The following NOL4 variants were observed in gnomAD, a reference collection of about 807,000 sequenced individuals.
The protein encoded by NOL4 is nucleolar protein 4.
A neutral mutation model predicts 75.9 loss-of-function variants in NOL4; 17 were observed. That is an observed-to-expected ratio of 0.22 (90% CI 0.15 to 0.34). The LOEUF is 0.34. Ranked by LOEUF, NOL4 falls within the 10% of genes least tolerant of loss-of-function variation. The probability of loss-of-function intolerance (pLI) is 1.00; values close to 1 mark genes in which losing one functional copy is unlikely to be tolerated. For synonymous variants in NOL4, 292 were observed against 289.9 expected, an observed-to-expected ratio of 1.01 and a Z score of -0.07; for missense variants, 614 against 793.5, an observed-to-expected ratio of 0.77 and a Z score of 2.72.
intron 8 of NOL4, among the ~76,000 whole-genome samples, chr18:33,946,622 A>C (rs2068853653): frequency 6.6e-6 from 1 of 151,832 alleles, no homozygotes. Context: ...CATTCCTGTG[A>C]GGAAATTCAA....
At chr18:34,005,953 T>C (rs932110194) in intron 6 of NOL4, among the ~76,000 whole-genome samples, 1 of 152,116 alleles carries the variant, frequency 6.6e-6, no homozygotes, top group African/African-American at 2.4e-5. Context: ...GCTTATAATT[T>C]GGGCTCATAC....
intron 5 of NOL4, among the ~76,000 whole-genome samples, chr18:34,063,056 T>G (rs1162244429): frequency 6.6e-6 from 1 of 152,006 alleles, no homozygotes; most frequent in African/African-American, 2.4e-5. Context: ...TAGAGAAGAG[T>G]GATTTACCTT....
chr18:34,084,949 T>C (rs994020489), intron 5 of NOL4, among the ~76,000 whole-genome samples: 1 of 152,254 alleles, frequency 6.6e-6, no homozygotes, highest in Middle Eastern at 3.4e-3. Context: ...CCCAAATTAG[T>C]ACAAGAAAGT....
chr18:34,038,734 A>T (rs2076017851), intron 5 of NOL4, among the ~76,000 whole-genome samples: 1 of 152,036 alleles, frequency 6.6e-6, no homozygotes, highest in Non-Finnish European at 1.5e-5. Flanking sequence ...GAGGTGGGTA[A>T]GTGTGTTAGA....
chr18:34,185,678 C>A (rs1427467975), intron 1 of NOL4, among the ~76,000 whole-genome samples: 1 of 152,076 alleles, frequency 6.6e-6, no homozygotes, highest in Non-Finnish European at 1.5e-5. Flanking sequence ...TCTATTCAGG[C>A]CCCAAGTTAT....
At chr18:33,995,921 A>T (rs936431762) in intron 6 of NOL4, among the ~76,000 whole-genome samples, 1 of 151,830 alleles carries the variant, frequency 6.6e-6, no homozygotes, top group South Asian at 2.1e-4. Flanking sequence ...GGAGTAGTCT[A>T]TCCTATTAGG....
chr18:34,087,828 GGAGGCAAA>G (rs1204525302), intron 5 of NOL4, among the ~76,000 whole-genome samples: 3 of 151,550 alleles, frequency 2.0e-5, no homozygotes, highest in African/African-American at 7.3e-5. Flanking sequence ...TGTCTTAGTG[GGAGGCAAA>G]GATTTTTACT....
At chr18:34,218,179 A>ACACAAAAT (rs1266665710) in intron 1 of NOL4, among the ~76,000 whole-genome samples, 1 of 151,926 alleles carries the variant, frequency 6.6e-6, no homozygotes, top group Admixed American at 6.6e-5. Context: ...TATAGACTTG[A>ACACAAAAT]CACAAAATTA....
intron 2 of NOL4, chr18:34,121,088 G>A (rs999704304): frequency 4.6e-5 from 7 of 152,104 alleles, no homozygotes; most frequent in Admixed American, 6.6e-5. Flanking sequence ...GATGGGCAAT[G>A]AAAAAGATCT....
chr18:34,149,629 T>C (rs774810279), intron 1 of NOL4, among the ~76,000 whole-genome samples: 11 of 151,656 alleles, frequency 7.3e-5, no homozygotes, highest in Non-Finnish European at 1.3e-4. Context: ...TATGTTTTTA[T>C]TGATGAATAA....
At chr18:33,926,250 C>T (rs887870228) in intron 9 of NOL4, among the ~76,000 whole-genome samples, 5 of 148,124 alleles carry the variant, frequency 3.4e-5, no homozygotes, top group African/African-American at 7.4e-5. Flanking sequence ...GTCCCAGCTA[C>T]TTGGGAGGCT....
At chr18:34,143,290 T>A (rs1307327733) in intron 1 of NOL4, among the ~76,000 whole-genome samples, 1 of 152,120 alleles carries the variant, frequency 6.6e-6, no homozygotes, top group African/African-American at 2.4e-5. Flanking sequence ...TTATAAACAG[T>A]ACTGATATAA....
At chr18:33,920,921 G>A (rs770216707) in intron 9 of NOL4, among the ~76,000 whole-genome samples, 84 of 152,304 alleles carry the variant, frequency 5.5e-4, no homozygotes, top group Non-Finnish European at 1.0e-3. Flanking sequence ...AGAGGTCGCG[G>A]CCACTGCCCA....
chr18:34,135,777 A>G (rs933005139), intron 1 of NOL4, among the ~76,000 whole-genome samples: 2 of 152,004 alleles, frequency 1.3e-5, no homozygotes, highest in Non-Finnish European at 2.9e-5. Context: ...CAAAGAATCA[A>G]TGGAATTCAT....
chr18:34,050,370 T>C (rs1456224016), intron 5 of NOL4, among the ~76,000 whole-genome samples: 2 of 152,094 alleles, frequency 1.3e-5, no homozygotes, highest in Non-Finnish European at 2.9e-5. Flanking sequence ...TCAAAATCAA[T>C]CAACCAGAAT....
chr18:33,919,623 G>C (rs2145248711), intron 9 of NOL4, among the ~76,000 whole-genome samples: 1 of 152,270 alleles, frequency 6.6e-6, no homozygotes, highest in South Asian at 2.1e-4. Context: ...TTTAAGGCTT[G>C]TTTAGCCCTT....
At chr18:34,173,820 C>T (rs538895679) in intron 1 of NOL4, among the ~76,000 whole-genome samples, 2 of 152,180 alleles carry the variant, frequency 1.3e-5, no homozygotes, top group African/African-American at 4.8e-5. Context: ...TTGGCAGTGC[C>T]ATGTGTTGTA....
In NOL4 at chr18:33,996,753, C is replaced by T. The variant is rs191894542; in HGVS notation, c.1056+22565G>A. Among the ~76,000 whole-genome samples the T allele has an allele frequency of 6.7e-4, 102 of 151,912 alleles. No homozygotes were observed. In the East Asian group the frequency reaches 0.011, roughly 16 times the overall value. On this transcript the variant is annotated intron_variant, in intron 6 of 10. Transcript: ENST00000261592. ...AGAAAATGATTTCATTCTTCTTTTA[C>T]GGCTGCATAGTATTCCATGGCATGT...
chr18:33,921,008 G>A (rs2067007259), intron 9 of NOL4, among the ~76,000 whole-genome samples: 1 of 152,194 alleles, frequency 6.6e-6, no homozygotes, highest in Non-Finnish European at 1.5e-5. Context: ...ATTATTCTCA[G>A]TCCTAGTAAA....
Sources: allele counts gnomAD v4.1 joint callset (sites outside exome capture counted in the v4.1 genomes callset), GRCh38; gene constraint gnomAD v4.1.1; transcripts MANE v1.5; gene names NCBI Gene and HGNC (gene_info 2026-07-23, HGNC 2026-07-21).